The following EPB42 variants were observed in gnomAD, a reference collection of about 807,000 sequenced individuals.
EPB42 encodes the protein protein 4.2.
In EPB42, 49 loss-of-function variants were observed where a neutral mutation model predicts 76.9. The observed-to-expected ratio is 0.64, with a 90% CI of 0.51 to 0.81. The LOEUF (loss-of-function observed/expected upper bound fraction) is 0.81, where lower values mean the gene tolerates loss of function less well. Ranked by LOEUF, EPB42 falls within the 30% of genes least tolerant of loss-of-function variation. The probability of loss-of-function intolerance (pLI) is 0.00; values close to 1 mark genes in which losing one functional copy is unlikely to be tolerated. For missense variants in EPB42, 731 were observed against 867.6 expected (o/e 0.84, Z 1.98); for synonymous variants, 310 against 338.4 (o/e 0.92, Z 0.92).
rs761280615 is a variant in EPB42 at position 43,201,971 on chromosome 15, C to T, written c.1786G>A (p.Glu596Lys). ...AGGGGTTGATACTGCTCTGCTTTCT[C>T]TGGCATCTGTGGGAAGAGGCAATAC... The part of the protein sequence containing the change: ...CRPHLAIKMP[E>K]KAEQYQPLTA... Residue 596 changes from glutamate to lysine, a missense_variant, in exon 12 of 13, where the codon GAG becomes AAG. By Grantham distance (56) the Glu-to-Lys change is moderately conservative (BLOSUM62 1). Coordinates refer to ENST00000441366, the MANE Select transcript of EPB42 (RefSeq NM_001114134.2). 1.2e-6 allele frequency: 2 copies of T among 1,613,996 alleles called. No homozygotes were observed. The highest frequency in any genetic ancestry group is 1.7e-6 in the Non-Finnish European group (2 of 1,180,022).
chr15:43,210,354 G>A lies in EPB42; in HGVS notation c.635C>T (p.Ala212Val). Reference protein sequence around the residue: ...VEKWSQPVHVARVLGALLHFL... With the variant: ...VEKWSQPVHVVRVLGALLHFL... ...GCTTACCAAGGCACCCAACACACGG[G>A]CCACGTGCACCGGCTGGCTCCACTT... is the stretch of plus-strand genomic sequence containing the variant. The change falls in exon 5 of 13, where the codon GCC becomes GTC. Residue 212 changes from alanine to valine, a missense_variant. By Grantham distance (64) the Ala-to-Val change is moderately conservative. Transcript: ENST00000441366. 1.9e-6 allele frequency: 3 copies of A among 1,613,644 alleles called. No homozygotes were observed. Among genetic ancestry groups the A allele is most frequent in the African/African-American group, 1.3e-5 (1 of 75,012 alleles).
At chr15:43,225,655 A>G (rs2042501549), upstream of EPB42, among the ~76,000 whole-genome samples, 2 of 152,298 alleles carry the variant, frequency 1.3e-5, no homozygotes, top group South Asian at 2.1e-4. Context: ...GGGGGAGACA[A>G]ACAATACTAA....
At chr15:43,209,740 T>G in intron 5 of EPB42, 1 of 403,648 alleles carries the variant, frequency 2.5e-6, no homozygotes, top group Non-Finnish European at 4.4e-6. Flanking sequence ...TCACCGGTTC[T>G]TAGTCCTCCA....
rs751426863 is a variant in EPB42, at chr15:43,206,276, G to A, written c.1618+54C>T. On this transcript the variant is annotated intron_variant, in intron 10 of 12. Coordinates refer to ENST00000441366, the MANE Select transcript of EPB42 (RefSeq NM_001114134.2). The surrounding 1 kb of genome is among the most constrained non-coding windows in gnomAD (Gnocchi z 4.7). Reference sequence around the variant, plus strand: ...TGTGGCTGCTGCCTGCCCAAGGCAGGGGCCATGTGTGTGTGTGTGTCGGGG... The same window carrying A: ...TGTGGCTGCTGCCTGCCCAAGGCAGAGGCCATGTGTGTGTGTGTGTCGGGG... 4 of 1,539,036 alleles carry A rather than the reference G, an allele frequency of 2.6e-6. No homozygotes were observed. The highest frequency in any genetic ancestry group is 2.6e-6 in the Non-Finnish European group (3 of 1,137,524).
At chr15:43,224,960 G>C (rs991170375), upstream of EPB42, among the ~76,000 whole-genome samples, 1 of 152,210 alleles carries the variant, frequency 6.6e-6, no homozygotes, top group African/African-American at 2.4e-5. Context: ...TTTTTGTAGA[G>C]ATGGGGTCCC....
intron 7 of EPB42, 132 bp downstream of exon 7, chr15:43,208,504 CG>C (rs1282417382): frequency 3.4e-6 from 5 of 1,481,550 alleles, no homozygotes; most frequent in Non-Finnish European, 2.8e-6. Flanking sequence ...TGACCATCAG[CG>C]CCGCCTCTAA....
At chr15:43,198,963 CAAGA>C (rs1567269529) in intron 12 of EPB42, among the ~76,000 whole-genome samples, 8 of 152,322 alleles carry the variant, frequency 5.3e-5, no homozygotes, top group African/African-American at 1.9e-4. Context: ...GCACAGAAGT[CAAGA>C]ACTGAGGTTT....
At chr15:43,205,572 G>T (rs2042190185) in intron 10 of EPB42, among the ~76,000 whole-genome samples, 1 of 152,052 alleles carries the variant, frequency 6.6e-6, no homozygotes, top group Non-Finnish European at 1.5e-5. Flanking sequence ...GCTAATTTTT[G>T]TATTTTTAGT....
intron 5 of EPB42, among the ~76,000 whole-genome samples, chr15:43,209,895 C>A (rs144408979): frequency 9.2e-5 from 14 of 152,346 alleles, no homozygotes; most frequent in Middle Eastern, 6.8e-3. Flanking sequence ...CACATGACTC[C>A]TCTGAGAGGA....
At chr15:43,202,991 A>T in intron 11 of EPB42, 124 bp downstream of exon 11, 1 of 1,235,534 alleles carries the variant, frequency 8.1e-7, no homozygotes, top group Non-Finnish European at 1.2e-6. Flanking sequence ...AGGAGCTCTT[A>T]AATGTAGCAT....
In EPB42 at chr15:43,208,686, A is replaced by G; in HGVS notation, c.922T>C (p.Tyr308His). The change falls in exon 7 of 13, where the codon TAT becomes CAT. Residue 308 changes from tyrosine to histidine, a missense_variant. Tyr to His is a moderately conservative substitution (Grantham distance 83). Coordinates refer to ENST00000441366, the MANE Select transcript of EPB42 (RefSeq NM_001114134.2). ...CCGTTCTGAAGTCCCTCCTCATTAT[A>G]GTATTCATCTATGAGAAGACGCCCA... ...TGGRLLIDEYYNEEGLQNGEG... is the reference protein window; with the variant it reads ...TGGRLLIDEYHNEEGLQNGEG... The G allele has an allele frequency of 1.2e-6, 2 of 1,614,158 alleles. No homozygotes were observed. Among genetic ancestry groups the G allele is most frequent in the Non-Finnish European group, 1.7e-6 (2 of 1,180,014 alleles).
intron 4 of EPB42, 32 bp from the exon 5 acceptor site, chr15:43,210,471 G>A (rs1194149034): frequency 6.3e-7 from 1 of 1,598,654 alleles, no homozygotes; most frequent in Non-Finnish European, 8.6e-7. Flanking sequence ...CATGATGAAG[G>A]GTCCCCACAC....
intron 1 of EPB42, among the ~76,000 whole-genome samples, chr15:43,218,235 G>A (rs1219237958): frequency 6.6e-6 from 1 of 152,146 alleles, no homozygotes; most frequent in East Asian, 1.9e-4. Flanking sequence ...TGGATTGGAT[G>A]GTGGAATGCC....
chr15:43,201,873 C>T lies in EPB42; in HGVS notation c.1884G>A (p.Arg628=), dbSNP rs751075497. ...MEDCVISILG[R]GLIHRERSYR... ...AGCTCCTCTCTCTGTGAATGAGCCC[C>T]CTTCCCAGGATGGAGATCACACAGT... The change falls in exon 12 of 13, where the codon AGG becomes AGA. Residue 628 remains arginine (R), a synonymous_variant. Coordinates refer to ENST00000441366, the MANE Select transcript of EPB42 (RefSeq NM_001114134.2). The T allele has an allele frequency of 6.2e-7, 1 of 1,614,048 alleles. No individual in the cohort carries two copies. Among genetic ancestry groups the T allele is most frequent in the African/African-American group, 1.3e-5 (1 of 74,914 alleles).
chr15:43,199,443 T>G (rs1465784279), intron 12 of EPB42, among the ~76,000 whole-genome samples: 1 of 152,228 alleles, frequency 6.6e-6, no homozygotes, highest in Non-Finnish European at 1.5e-5. Flanking sequence ...TTTGGCCAAT[T>G]TCTCCATTTG....
At chr15:43,211,930 T>C (rs1385546724) in intron 3 of EPB42, among the ~76,000 whole-genome samples, 1 of 150,742 alleles carries the variant, frequency 6.6e-6, no homozygotes, top group Non-Finnish European at 1.5e-5. Context: ...CAGCCAGGTG[T>C]GGTGGTACGC....
chr15:43,216,236 C>T, intron 2 of EPB42, 32 bp downstream of exon 2: 1 of 1,611,788 alleles, frequency 6.2e-7, no homozygotes, highest in Non-Finnish European at 8.5e-7. Flanking sequence ...CCCAGGCCTG[C>T]TGCCAAAGGA....
upstream of EPB42, among the ~76,000 whole-genome samples, chr15:43,225,437 TCTC>T (rs1413926653): frequency 6.6e-6 from 1 of 152,176 alleles, no homozygotes; most frequent in Admixed American, 6.5e-5. Context: ...GGGAATGTGT[TCTC>T]CTTCTGGTTC....
chr15:43,197,796 C>A (rs1445553772), intron 12 of EPB42, among the ~76,000 whole-genome samples: 1 of 152,170 alleles, frequency 6.6e-6, no homozygotes, highest in East Asian at 1.9e-4. Flanking sequence ...TGTGTCCCCA[C>A]CCAAATCTCA....
Sources: allele counts gnomAD v4.1 joint callset (sites outside exome capture counted in the v4.1 genomes callset), GRCh38; gene constraint gnomAD v4.1.1; non-coding constraint Gnocchi (gnomAD v3.1); transcripts MANE v1.5; gene names NCBI Gene and HGNC (gene_info 2026-07-23, HGNC 2026-07-21).